Variants in MACF1 observed in about 807,000 individuals in gnomAD.
MACF1 encodes the protein microtubule-actin cross-linking factor 1.
A neutral mutation model predicts 854.8 loss-of-function variants in MACF1; 193 were observed. The ratio of observed to expected loss-of-function variants is 0.23; its 90% CI spans 0.20 to 0.25. The LOEUF (loss-of-function observed/expected upper bound fraction) is 0.25, where lower values mean the gene tolerates loss of function less well. Among genes scored for constraint, MACF1 ranks in the 10% least tolerant of loss-of-function variants. The pLI is 1.00. For missense variants in MACF1, 7,722 were observed against 8,929.1 expected, an observed-to-expected ratio of 0.86 and a Z score of 5.45; for synonymous variants, 3,185 against 3,226.7, an observed-to-expected ratio of 0.99 and a Z score of 0.44.
Position 39,459,135 on chromosome 1 carries a change from G to A in MACF1, c.21246G>A (p.Gln7082=). The A allele has an allele frequency of 1.2e-6, 2 of 1,614,052 alleles. No homozygotes were observed. Among genetic ancestry groups the A allele is most frequent in the Non-Finnish European group, 1.7e-6 (2 of 1,180,018 alleles). The change falls in exon 91 of 101, where the codon CAG becomes CAA. Residue 7082 remains glutamine (Q), a synonymous_variant. Coordinates refer to ENST00000564288, the MANE Select transcript of MACF1 (RefSeq NM_001394062.1). ...CTCCTCCCATGCCAATCCTTTCACA[G>A]TCTGAAGCAAAAAACCCACGGATCA... is the stretch of plus-strand genomic sequence containing the variant. ...PTPPPMPILS[Q]SEAKNPRINQ...
rs774973543 is a variant in MACF1 at position 39,462,037 on chromosome 1, G to A, written c.21678G>A (p.Glu7226=). ...PTTDADKIED[E]VTRQVAQCKC... ...CCGATGCAGATAAAATCGAAGATGA[G>A]GTAAGGGAAATAATTATATTTTGAG... The change falls in exon 93 of 101, where the codon GAG becomes GAA. Residue 7226 remains glutamate, a splice_region_variant and synonymous_variant. Transcript: ENST00000564288. 3.8e-5 allele frequency: 62 copies of A among 1,613,174 alleles called. No individual in the cohort carries two copies. The Admixed American group carries it at 1.0e-3, about 27-fold the overall frequency.
chr1:39,397,371 G>A (rs1185407671), intron 58 of MACF1, among the ~76,000 whole-genome samples: 1 of 152,104 alleles, frequency 6.6e-6, no homozygotes, highest in Non-Finnish European at 1.5e-5. Flanking sequence ...AGACCAGCCT[G>A]GTCAACATGG....
intron 2 of MACF1, among the ~76,000 whole-genome samples, chr1:39,239,300 CAAA>C (rs1644895043): frequency 6.6e-6 from 1 of 151,778 alleles, no homozygotes; most frequent in Admixed American, 6.6e-5. Context: ...AACAAACAAA[CAAA>C]CAAACAAACA....
chr1:39,340,266 A>AT (rs1020112949), intron 38 of MACF1, among the ~76,000 whole-genome samples: 211 of 150,074 alleles, frequency 1.4e-3, no homozygotes, highest in African/African-American at 4.7e-3. Context: ...CACCATTCAC[A>AT]TTTTTTTTTT....
At chr1:39,194,512 C>A (rs1412514667) in intron 2 of MACF1, among the ~76,000 whole-genome samples, 2 of 151,156 alleles carry the variant, frequency 1.3e-5, no homozygotes, top group Non-Finnish European at 2.9e-5. Flanking sequence ...TGCCACCATG[C>A]CCGGCTAATT....
chr1:39,321,494 T>A (rs1646515677), intron 31 of MACF1, among the ~76,000 whole-genome samples: 1 of 152,186 alleles, frequency 6.6e-6, no homozygotes, highest in Non-Finnish European at 1.5e-5. Context: ...GAAGGACGTT[T>A]TAGGCAAAGG....
At chr1:39,234,998 C>T (rs1417393009) in intron 2 of MACF1, among the ~76,000 whole-genome samples, 5 of 151,618 alleles carry the variant, frequency 3.3e-5, no homozygotes, top group Admixed American at 1.3e-4. Flanking sequence ...GGCGGCCGGG[C>T]GGAGACGCTC....
At chr1:39,452,894 C>T in intron 87 of MACF1, 82 bp downstream of exon 87, 1 of 1,505,478 alleles carries the variant, frequency 6.6e-7, no homozygotes, top group Non-Finnish European at 9.0e-7. Context: ...GCAACTTTTT[C>T]TTGGAAATAT....
intron 79 of MACF1, 114 bp downstream of exon 79, chr1:39,443,688 T>C (rs1274395011): frequency 8.4e-7 from 1 of 1,184,242 alleles, no homozygotes; most frequent in Non-Finnish European, 1.2e-6. Context: ...TGCATTTTTA[T>C]CAAACATATA....
chr1:39,331,600 A>G lies in MACF1; in HGVS notation c.5012A>G (p.Asn1671Ser). 1 of 1,614,200 alleles carries G rather than the reference A, an allele frequency of 6.2e-7. No homozygotes were observed. The highest frequency in any genetic ancestry group is 8.5e-7 in the Non-Finnish European group (1 of 1,180,018). Residue 1671 changes from asparagine to serine, a missense_variant, in exon 37 of 101, where the codon AAC (asparagine) becomes AGC (serine). Physicochemically the swap from Asn to Ser is conservative, Grantham distance 46 (BLOSUM62 1). Around this residue, in one of 15 missense-constraint regions of MACF1, gnomAD observed 1,531 missense variants for 1,601.6 expected, o/e 0.96. Transcript: ENST00000564288. ...FSLSPSENCI[N>S]LEEAFHQGLI... ...CTTTCCCCTAGTGAGAACTGTATTA[A>G]CCTGGAAGAGGCTTTTCATCAAGGC...
intron 6 of MACF1, among the ~76,000 whole-genome samples, chr1:39,280,153 C>T (rs1645514851): frequency 6.6e-6 from 1 of 152,080 alleles, no homozygotes; most frequent in Non-Finnish European, 1.5e-5. Flanking sequence ...CTGCCTCGGC[C>T]TCCCAAAATG....
At chr1:39,366,228 C>T (rs1246805912) in intron 49 of MACF1, among the ~76,000 whole-genome samples, 7 of 152,182 alleles carry the variant, frequency 4.6e-5, no homozygotes, top group Admixed American at 3.9e-4. Context: ...TTCATTCACG[C>T]AAACACATAT....
chr1:39,146,291 A>T (rs1014585215), intron 2 of MACF1, among the ~76,000 whole-genome samples: 1 of 152,172 alleles, frequency 6.6e-6, no homozygotes, highest in East Asian at 1.9e-4. Flanking sequence ...AAAAATACAA[A>T]AACTAGCCAG....
In MACF1 at chr1:39,387,289, A is replaced by C; in HGVS notation, c.14447A>C (p.Gln4816Pro). 6.2e-7 allele frequency: 1 copy of C among 1,614,250 alleles called. No individual in the cohort carries two copies. The highest frequency in any genetic ancestry group is 8.5e-7 in the Non-Finnish European group (1 of 1,180,050). Residue 4816 changes from glutamine to proline, a missense_variant, in exon 58 of 101, where the codon CAA becomes CCA. Gln to Pro is a moderately conservative substitution (Grantham distance 76). This residue lies in a region of MACF1 where 2,807 missense variants were observed against 3,235.8 expected (regional missense o/e 0.87). Coordinates refer to ENST00000564288, the MANE Select transcript of MACF1 (RefSeq NM_001394062.1). ...TGGTTGGATGATAAACAAAGCCAGCAAGCAAAAAACTGCCCAATTTCTGCA... is the reference window on the plus strand; with the variant it reads ...TGGTTGGATGATAAACAAAGCCAGCCAGCAAAAAACTGCCCAATTTCTGCA... ...RTWLDDKQSQ[Q>P]AKNCPISAKL...
At chr1:39,363,042 C>G (rs1648345110) in intron 49 of MACF1, among the ~76,000 whole-genome samples, 1 of 152,072 alleles carries the variant, frequency 6.6e-6, no homozygotes, top group Non-Finnish European at 1.5e-5. Flanking sequence ...AATAACAAAC[C>G]TGCTAAATAA....
At chr1:39,093,548 C>T (rs552310610) in intron 2 of MACF1, among the ~76,000 whole-genome samples, 4 of 135,684 alleles carry the variant, frequency 2.9e-5, no homozygotes, top group East Asian at 4.5e-4. Context: ...TGCAGTGGTG[C>T]GATCTCGGCT....
At chr1:39,477,741 C>G (rs1557675575) in intron 97 of MACF1, among the ~76,000 whole-genome samples, 1 of 151,952 alleles carries the variant, frequency 6.6e-6, no homozygotes, top group Non-Finnish European at 1.5e-5. Flanking sequence ...AGGTCCACCT[C>G]TACTGCCACT....
In MACF1 at chr1:39,283,008, G is replaced by A; in HGVS notation, c.696-181G>A. ...ACTGTATGTTTAAGTTTAGCATTAGGGAGCACTGGGCCCCTGGTGTATACT... is the reference window on the plus strand; with the variant it reads ...ACTGTATGTTTAAGTTTAGCATTAGAGAGCACTGGGCCCCTGGTGTATACT... On this transcript the variant is annotated intron_variant, in intron 7 of 100. Transcript: ENST00000564288. The surrounding 1 kb of genome is among the most constrained non-coding windows in gnomAD (Gnocchi z 4.5). 2 of 556,654 alleles carry A rather than the reference G, an allele frequency of 3.6e-6. No homozygotes were observed. Among genetic ancestry groups the A allele is most frequent in the Middle Eastern group, 4.8e-4 (1 of 2,100 alleles). 34.5% of individuals were successfully genotyped at this position (556,654 alleles called of 1,614,324 possible). A position where few individuals can be genotyped will look rare whatever the true frequency, so the allele number is the denominator to read the frequency against.
chr1:39,289,911 GCTGGT>G (rs1645740848), intron 15 of MACF1, among the ~76,000 whole-genome samples: 1 of 151,754 alleles, frequency 6.6e-6, no homozygotes, highest in Admixed American at 6.6e-5. Context: ...CATTGGCCAG[GCTGGT>G]CTCGAACTCC....
Sources: allele counts gnomAD v4.1 joint callset (sites outside exome capture counted in the v4.1 genomes callset), GRCh38; gene constraint gnomAD v4.1.1; regional missense constraint gnomAD v4.1.1; non-coding constraint Gnocchi (gnomAD v3.1); transcripts MANE v1.5; gene names NCBI Gene and HGNC (gene_info 2026-07-23, HGNC 2026-07-21).